FOXP2: variants seen among roughly 807,000 people sequenced by gnomAD.
The protein encoded by FOXP2 is forkhead box P2.
Under a neutral mutation model 115.8 loss-of-function variants are expected in FOXP2, and 12 were observed. That is an observed-to-expected ratio of 0.10 (90% CI 0.07 to 0.17). FOXP2 has a LOEUF of 0.17. Among genes scored for constraint, FOXP2 ranks in the 10% least tolerant of loss-of-function variants. The pLI, the probability that FOXP2 is intolerant of heterozygous loss-of-function variation, is 1.00. For synonymous variants in FOXP2, 328 were observed against 297.7 expected (o/e 1.10, Z -1.05); for missense variants, 629 against 843.5 (o/e 0.75, Z 3.15).
At chr7:114,612,850 C>T (rs1378959049) in intron 3 of FOXP2, among the ~76,000 whole-genome samples, 1 of 152,126 alleles carries the variant, frequency 6.6e-6, no homozygotes, top group Non-Finnish European at 1.5e-5. Flanking sequence ...ATCTAATTTT[C>T]CTCTCACCTG....
intron 2 of FOXP2, among the ~76,000 whole-genome samples, chr7:114,373,530 G>A (rs911711674): frequency 1.3e-5 from 2 of 152,152 alleles, no homozygotes; most frequent in African/African-American, 2.4e-5. Context: ...AAAATATAAC[G>A]TTGGCAGCCC....
At chr7:114,388,072 A>G (rs920932124) in intron 2 of FOXP2, among the ~76,000 whole-genome samples, 1 of 152,178 alleles carries the variant, frequency 6.6e-6, no homozygotes, top group African/African-American at 2.4e-5. Flanking sequence ...TCATTGATAT[A>G]CCAAGTGAGT....
At chr7:114,334,973 G>A (rs574529241) in intron 2 of FOXP2, among the ~76,000 whole-genome samples, 185 of 133,462 alleles carry the variant, frequency 1.4e-3, no homozygotes, top group African/African-American at 4.8e-3. Context: ...ATCCAAGTAT[G>A]ACTTCATACT....
chr7:114,684,368 A>C (rs1175739978), intron 16 of FOXP2, among the ~76,000 whole-genome samples: 1 of 152,220 alleles, frequency 6.6e-6, no homozygotes, highest in Non-Finnish European at 1.5e-5. Context: ...AGGTCTTCTC[A>C]AGTGTCCTGA....
intron 2 of FOXP2, chr7:114,498,919 A>G: frequency 1.4e-6 from 1 of 718,006 alleles, no homozygotes; most frequent in East Asian, 2.7e-5. Flanking sequence ...TATTTGTTAA[A>G]GTCTTTGGAT....
At chr7:114,606,990 A>G (rs975279631) in intron 3 of FOXP2, among the ~76,000 whole-genome samples, 4 of 152,326 alleles carry the variant, frequency 2.6e-5, no homozygotes, top group Admixed American at 6.5e-5. Context: ...GACACTTGGT[A>G]TATTCATACA....
intron 3 of FOXP2, among the ~76,000 whole-genome samples, chr7:114,628,291 T>A (rs1804705059): frequency 6.6e-6 from 1 of 152,184 alleles, no homozygotes; most frequent in African/African-American, 2.4e-5. Context: ...AATTCAAATA[T>A]CTAAGCATGT....
chr7:114,410,036 A>G (rs1055966476), upstream of FOXP2, among the ~76,000 whole-genome samples: 2 of 152,084 alleles, frequency 1.3e-5, no homozygotes, highest in Non-Finnish European at 2.9e-5. Context: ...ACTGTCAAAT[A>G]TATTTCCTCT....
intron 3 of FOXP2, among the ~76,000 whole-genome samples, chr7:114,544,126 G>A (rs1799808944): frequency 6.6e-6 from 1 of 152,104 alleles, no homozygotes; most frequent in South Asian, 2.1e-4. Flanking sequence ...AAGTGTCAGG[G>A]TTATAGTCAT....
chr7:114,517,050 AT>A (rs1184820921), intron 2 of FOXP2, among the ~76,000 whole-genome samples: 6 of 151,848 alleles, frequency 4.0e-5, no homozygotes, highest in Admixed American at 3.3e-4. Flanking sequence ...ATTCTAACAG[AT>A]GTGAGATGAT....
At chr7:114,262,079 A>C (rs527324625) in intron 1 of FOXP2, among the ~76,000 whole-genome samples, 7 of 152,026 alleles carry the variant, frequency 4.6e-5, no homozygotes, top group South Asian at 2.1e-4. Flanking sequence ...CAAAACAAAA[A>C]AAATGCATCT....
chr7:114,371,170 T>A (rs1002850671), intron 2 of FOXP2, among the ~76,000 whole-genome samples: 2 of 152,156 alleles, frequency 1.3e-5, no homozygotes, highest in Non-Finnish European at 2.9e-5. Flanking sequence ...AGCCTGGTCC[T>A]CCTGGGCTCA....
intron 16 of FOXP2, chr7:114,669,952 G>A (rs908917710): frequency 6.6e-6 from 1 of 151,836 alleles, no homozygotes; most frequent in Non-Finnish European, 1.5e-5. Flanking sequence ...TTCAAATGTT[G>A]TGTCTAGAGA....
At chr7:114,582,217 G>A (rs1801908266) in intron 3 of FOXP2, among the ~76,000 whole-genome samples, 1 of 152,146 alleles carries the variant, frequency 6.6e-6, no homozygotes, top group Non-Finnish European at 1.5e-5. Flanking sequence ...AAAAAGAATA[G>A]AAACCCACTT....
At chr7:114,288,794 A>G (rs1482287406) in intron 2 of FOXP2, among the ~76,000 whole-genome samples, 1 of 151,824 alleles carries the variant, frequency 6.6e-6, no homozygotes, top group Non-Finnish European at 1.5e-5. Flanking sequence ...TGTCATGAGT[A>G]TCCAAATTTA....
At chr7:114,631,839 A>T (rs539561546) in intron 6 of FOXP2, 134 bp downstream of exon 6, 2 of 876,208 alleles carry the variant, frequency 2.3e-6, no homozygotes, top group Non-Finnish European at 3.6e-6. Flanking sequence ...GATTGTTAAC[A>T]TGGTGGCATG....
At chr7:114,364,068 A>C (rs373123159) in intron 2 of FOXP2, among the ~76,000 whole-genome samples, 1 of 64,094 alleles carries the variant, frequency 1.6e-5, no homozygotes, top group Non-Finnish European at 4.2e-5. Flanking sequence ...TAAGTACTTA[A>C]TTTCTTTTTG....
chr7:114,397,665 G>A (rs1792776146), intron 2 of FOXP2, among the ~76,000 whole-genome samples: 1 of 152,120 alleles, frequency 6.6e-6, no homozygotes, highest in Non-Finnish European at 1.5e-5. Context: ...GATAAAGAAA[G>A]GGAAGAATGA....
At chr7:114,411,333 A>G (rs566089731), upstream of FOXP2, among the ~76,000 whole-genome samples, 3 of 152,096 alleles carry the variant, frequency 2.0e-5, no homozygotes, top group South Asian at 6.2e-4. Flanking sequence ...AATTTTTCCC[A>G]CTCAAGTTTC....
Sources: gnomAD v4.1 joint callset for allele counts (sites outside exome capture counted in the v4.1 genomes callset) on GRCh38, gnomAD v4.1.1 for gene constraint, MANE v1.5 for transcripts, NCBI Gene and HGNC (gene_info 2026-07-23, HGNC 2026-07-21) for gene names.